The following PDK1 variants were observed in gnomAD, a reference collection of about 807,000 sequenced individuals.
PDK1 encodes pyruvate dehydrogenase kinase 1.
Under a neutral mutation model 54.2 loss-of-function variants are expected in PDK1, and 39 were observed. The observed-to-expected ratio is 0.72, with a 90% CI of 0.56 to 0.94. The LOEUF (loss-of-function observed/expected upper bound fraction) is 0.94. Among genes scored for constraint, PDK1 ranks in the 40% least tolerant of loss-of-function variants. The pLI, the probability that PDK1 is intolerant of heterozygous loss-of-function variation, is 0.00. For missense variants in PDK1, 552 were observed against 566.0 expected, an observed-to-expected ratio of 0.98 and a Z score of 0.25; for synonymous variants, 221 against 207.1, an observed-to-expected ratio of 1.07 and a Z score of -0.58.
At chr2:172,587,826 T>C (rs1690342917) in intron 9 of PDK1, among the ~76,000 whole-genome samples, 1 of 152,144 alleles carries the variant, frequency 6.6e-6, no homozygotes, top group African/African-American at 2.4e-5. Flanking sequence ...AGACACAGAG[T>C]GCTGATTGGT....
At chr2:172,632,990 A>AAAAAAAAAAG in the PDK1 span, among the ~76,000 whole-genome samples, 1 of 150,676 alleles carries the variant, frequency 6.6e-6, no homozygotes, top group Non-Finnish European at 1.5e-5. Flanking sequence ...CAAAAAAAAA[A>AAAAAAAAAAG]AAAGGAACAT....
At chr2:172,625,148 C>T in the PDK1 span, among the ~76,000 whole-genome samples, 1 of 152,146 alleles carries the variant, frequency 6.6e-6, no homozygotes, top group African/African-American at 2.4e-5. Context: ...CAGAAATAAA[C>T]ATTTGTTGTG....
chr2:172,593,379 A>G (rs1432514257), intron 10 of PDK1, among the ~76,000 whole-genome samples: 2 of 152,166 alleles, frequency 1.3e-5, no homozygotes, highest in African/African-American at 4.8e-5. Flanking sequence ...TGTACTGCCA[A>G]GGCTTTTTTT....
At chr2:172,612,256 C>T (rs187993951), downstream of PDK1, among the ~76,000 whole-genome samples, 71 of 152,316 alleles carry the variant, frequency 4.7e-4, no homozygotes, top group South Asian at 6.6e-3. Flanking sequence ...CCAGATCCAA[C>T]GCTAATGCAC....
At chr2:172,568,910 T>G in intron 7 of PDK1, 93 bp downstream of exon 7, 1 of 745,076 alleles carries the variant, frequency 1.3e-6, no homozygotes, top group Non-Finnish European at 2.4e-6. Flanking sequence ...GTTCTCCTAT[T>G]AAGAAGTGCC....
In PDK1 at chr2:172,601,923, G is replaced by T. The variant is rs190788320; in HGVS notation, c.*5954G>T. ...CCATTAACTTTATGATAAAAATTTT[G>T]TAAGTGGAGAAGAAATGGATATATT... On this transcript the variant is annotated 3_prime_UTR_variant, in exon 11 of 11. Transcript: ENST00000282077. The T allele has an allele frequency of 6.6e-6, 1 of 152,242 alleles. No homozygotes were observed. The highest frequency in any genetic ancestry group is 1.9e-4 in the East Asian group (1 of 5,190). The allele number at this position is 152,242 out of a possible 1,614,324, so 9.4% of individuals were successfully genotyped here.
At chr2:172,673,923 T>G in the PDK1 span, among the ~76,000 whole-genome samples, 1 of 152,226 alleles carries the variant, frequency 6.6e-6, no homozygotes, top group Non-Finnish European at 1.5e-5. Context: ...TCAGTTTACC[T>G]TGGAGCATGG....
chr2:172,559,161 A>G (rs1300813599), intron 2 of PDK1, among the ~76,000 whole-genome samples: 2 of 152,066 alleles, frequency 1.3e-5, no homozygotes, highest in African/African-American at 2.4e-5. Context: ...GTTGGCCAGG[A>G]TGATCTCGGT....
the PDK1 span, among the ~76,000 whole-genome samples, chr2:172,698,699 G>A: frequency 6.3e-3 from 962 of 152,336 alleles, 14 homozygotes; most frequent in African/African-American, 0.022. Context: ...TGACGCTGAA[G>A]CTGGTCTAGG....
intron 9 of PDK1, among the ~76,000 whole-genome samples, chr2:172,590,537 C>T (rs1406450120): frequency 6.6e-6 from 1 of 151,952 alleles, no homozygotes; most frequent in Non-Finnish European, 1.5e-5. Context: ...GTTTGTTCCT[C>T]CTGGTGGGTT....
the PDK1 span, among the ~76,000 whole-genome samples, chr2:172,627,468 G>C: frequency 4.6e-5 from 7 of 152,158 alleles, no homozygotes; most frequent in Non-Finnish European, 7.3e-5. Flanking sequence ...CACAGAACAT[G>C]CTTCTATTTA....
chr2:172,717,095 C>A, the PDK1 span, among the ~76,000 whole-genome samples: 1 of 152,196 alleles, frequency 6.6e-6, no homozygotes, highest in Non-Finnish European at 1.5e-5. Flanking sequence ...CTACATTGTA[C>A]CAGGGTTGGC....
At chr2:172,713,181 G>A in the PDK1 span, among the ~76,000 whole-genome samples, 1 of 152,228 alleles carries the variant, frequency 6.6e-6, no homozygotes, top group Non-Finnish European at 1.5e-5. Context: ...GGGTAGCTCC[G>A]CTCTGCAGGG....
chr2:172,573,738 G>C (rs1306470448), intron 8 of PDK1, among the ~76,000 whole-genome samples: 1 of 151,728 alleles, frequency 6.6e-6, no homozygotes, highest in Non-Finnish European at 1.5e-5. Context: ...CCCATTCCGT[G>C]GGTTCTTTTC....
the PDK1 span, among the ~76,000 whole-genome samples, chr2:172,649,711 T>C: frequency 1.2e-4 from 18 of 152,248 alleles, no homozygotes; most frequent in Middle Eastern, 3.4e-3. Flanking sequence ...CAGTAGCCGA[T>C]TTGATCAAGT....
chr2:172,611,316 G>A (rs1484605644), downstream of PDK1, among the ~76,000 whole-genome samples: 1 of 152,040 alleles, frequency 6.6e-6, no homozygotes, highest in African/African-American at 2.4e-5. Flanking sequence ...AACCTCAAAA[G>A]TACCAGAAAT....
Position 172,581,216 on chromosome 2 carries a change from T to C in PDK1, c.946-5062T>C, listed in dbSNP as rs375327031. ...CAAGCGATTCTCCTGCCTCAGTCCCTAGTAGCTGGGACTACAGGCGCCTGC... is the reference window on the plus strand; with the variant it reads ...CAAGCGATTCTCCTGCCTCAGTCCCCAGTAGCTGGGACTACAGGCGCCTGC... On this transcript the variant is annotated intron_variant, in intron 8 of 10. Transcript: ENST00000282077. Among the ~76,000 whole-genome samples the C allele has an allele frequency of 5.5e-4, 83 of 152,184 alleles. 1 individual carries two copies. Among genetic ancestry groups the C allele is most frequent in the Middle Eastern group, 6.8e-3 (2 of 292 alleles).
At chr2:172,712,903 G>A in the PDK1 span, among the ~76,000 whole-genome samples, 1 of 152,242 alleles carries the variant, frequency 6.6e-6, no homozygotes, top group Admixed American at 6.5e-5. Context: ...GGGTGAGCAA[G>A]GTGAAGAGGT....
chr2:172,654,383 T>C, the PDK1 span, among the ~76,000 whole-genome samples: 38 of 152,266 alleles, frequency 2.5e-4, no homozygotes, highest in Admixed American at 2.3e-3. Flanking sequence ...TGTCCATCAG[T>C]GATAGACTGG....
Sources: gnomAD v4.1 joint callset for allele counts (sites outside exome capture counted in the v4.1 genomes callset) on GRCh38, gnomAD v4.1.1 for gene constraint, MANE v1.5 for transcripts, NCBI Gene and HGNC (gene_info 2026-07-23, HGNC 2026-07-21) for gene names.